The following STMN3 variants were observed in gnomAD, a reference collection of about 807,000 sequenced individuals.
STMN3 encodes stathmin 3, also known as stathmin-3.
A neutral mutation model predicts 23.2 loss-of-function variants in STMN3; 24 were observed. The observed-to-expected ratio is 1.03, with a 90% confidence interval of 0.75 to 1.45. The LOEUF is 1.45. Ranked by LOEUF, STMN3 falls within the 40% of genes most tolerant of loss-of-function variation. The pLI, the probability that STMN3 is intolerant of heterozygous loss-of-function variation, is 0.00. For missense variants in STMN3, 235 were observed against 237.6 expected (o/e 0.99, Z 0.07); for synonymous variants, 117 against 103.4 (o/e 1.13, Z -0.80).
At chr20:63,651,329 G>A (rs145616792) in intron 1 of STMN3, among the ~76,000 whole-genome samples, 109 of 152,290 alleles carry the variant, frequency 7.2e-4, no homozygotes, top group East Asian at 3.1e-3. Context: ...ACAGAGTGCC[G>A]GGTGAGAGCC....
intron 1 of STMN3, among the ~76,000 whole-genome samples, chr20:63,647,849 AAT>A (rs1186038864): frequency 7.8e-6 from 1 of 127,390 alleles, no homozygotes; most frequent in Non-Finnish European, 1.7e-5. Context: ...TGTATATATT[AAT>A]ATATATACGT....
Position 63,641,079 on chromosome 20 carries a change from C to A in STMN3, c.*259G>T. ...CACCGCCACCTCTCTCACAGGGCCC[C>A]CGGGGGACCCAGCCGCGCCCGGCCT... On this transcript the variant is annotated 3_prime_UTR_variant, in exon 5 of 5. Coordinates refer to ENST00000370053, the MANE Select transcript of STMN3 (RefSeq NM_015894.4). The A allele has an allele frequency of 1.1e-5, 6 of 564,564 alleles. No individual in the cohort carries two copies. Among genetic ancestry groups the A allele is most frequent in the Non-Finnish European group, 1.9e-5 (6 of 310,958 alleles). The allele number at this position is 564,564 out of a possible 1,614,324, so 35.0% of individuals were successfully genotyped here. A position where few individuals can be genotyped will look rare whatever the true frequency, so the allele number is the denominator to read the frequency against.
At chr20:63,642,936 C>A (rs1249494038) in intron 3 of STMN3, among the ~76,000 whole-genome samples, 1 of 152,172 alleles carries the variant, frequency 6.6e-6, no homozygotes, top group African/African-American at 2.4e-5. Context: ...AATGCGTTGG[C>A]CTCCAGGGTG....
intron 1 of STMN3, among the ~76,000 whole-genome samples, chr20:63,648,295 G>C (rs1601061625): frequency 6.6e-6 from 1 of 151,924 alleles, no homozygotes; most frequent in African/African-American, 2.4e-5. Flanking sequence ...GAGGGAGTTT[G>C]GGCTGGGGCA....
At chr20:63,641,487 C>T in intron 4 of STMN3, 90 bp from the exon 5 acceptor site, 2 of 1,104,446 alleles carry the variant, frequency 1.8e-6, no homozygotes, top group Middle Eastern at 2.9e-4. Flanking sequence ...GGCGCCCTGG[C>T]ACCCGCCCGG....
chr20:63,647,948 G>GTGTGTGTATATA (rs1320052757), intron 1 of STMN3, among the ~76,000 whole-genome samples: 14 of 63,830 alleles, frequency 2.2e-4, no homozygotes, highest in South Asian at 4.2e-4. Context: ...GTGTGTGTGT[G>GTGTGTGTATATA]TATATATATA....
intron 1 of STMN3, among the ~76,000 whole-genome samples, chr20:63,648,669 G>A (rs1415476168): frequency 6.6e-6 from 1 of 152,184 alleles, no homozygotes; most frequent in African/African-American, 2.4e-5. Context: ...CTGGAAGGCG[G>A]AAGTTGTAGT....
intron 1 of STMN3, 124 bp from the exon 2 acceptor site, chr20:63,644,433 C>G (rs2089793501): frequency 1.4e-6 from 1 of 701,306 alleles, no homozygotes; most frequent in Non-Finnish European, 2.4e-6. Flanking sequence ...AGCACGCTCT[C>G]TTGTGTGTCT....
chr20:63,649,437 C>T (rs1428206391), intron 1 of STMN3, among the ~76,000 whole-genome samples: 2 of 152,094 alleles, frequency 1.3e-5, no homozygotes, highest in African/African-American at 2.4e-5. Flanking sequence ...GAGAGGATGC[C>T]GAGGCCCAGA....
Position 63,640,070 on chromosome 20 carries a change from G to A in STMN3, c.*1268C>T, listed in dbSNP as rs1169288079. The stretch of plus-strand genomic sequence containing the variant: ...AGTGCCCGGCCAAGGCCTCCCGCAG[G>A]ATGGAAGTTGAGGGCCCTGGCTCTG... On this transcript the variant is annotated 3_prime_UTR_variant, in exon 5 of 5. Transcript: ENST00000370053. The A allele has an allele frequency of 6.5e-6, 1 of 153,016 alleles. No individual in the cohort carries two copies. The highest frequency in any genetic ancestry group is 1.9e-4 in the East Asian group (1 of 5,320). The allele number at this position is 153,016 out of a possible 1,614,324, so 9.5% of individuals were successfully genotyped here. A position where few individuals can be genotyped will look rare whatever the true frequency, so the allele number is the denominator to read the frequency against.
chr20:63,641,441 G>A, intron 4 of STMN3, 44 bp from the exon 5 acceptor site: 1 of 1,511,826 alleles, frequency 6.6e-7, no homozygotes, highest in Non-Finnish European at 9.0e-7. Flanking sequence ...GGGGTGGCTT[G>A]GGGCGACTCC....
In STMN3 at chr20:63,647,765, C is replaced by CGT. The variant is rs766223228; in HGVS notation, c.20-3457_20-3456insAC. Reference sequence around the variant, plus strand: ...CACGTGTATATATATAATATATATACATATATACACGTGTATATATATAAT... The same window carrying CGT: ...CACGTGTATATATATAATATATATACGTATATATACACGTGTATATATATAAT... On this transcript the variant is annotated intron_variant, in intron 1 of 4. Transcript: ENST00000370053. Among the ~76,000 whole-genome samples, 32 of 112,920 alleles carry CGT rather than the reference C, an allele frequency of 2.8e-4. 1 individual carries two copies. The highest frequency in any genetic ancestry group is 8.2e-4 in the African/African-American group (25 of 30,316). The allele number at this position is 112,920 out of a possible 152,430, so 74.1% of individuals were successfully genotyped here.
Position 63,643,833 on chromosome 20 carries a change from A to G in STMN3, c.214T>C (p.Ser72Pro). ...GTGTCCTTCTTCTTGGGTGGGGAGGAGAGCATAGGGCTCTCTGGGGACAGG... is the reference window on the plus strand; with the variant it reads ...GTGTCCTTCTTCTTGGGTGGGGAGGGGAGCATAGGGCTCTCTGGGGACAGG... ...SDLSPESPML[S>P]SPPKKKDTSL... is the part of the protein sequence containing the mutation. The change falls in exon 3 of 5, where the codon TCC (serine) becomes CCC (proline). Residue 72 changes from serine (S) to proline (P), a missense_variant. By Grantham distance (74) the Ser-to-Pro change is moderately conservative. Coordinates refer to ENST00000370053, the MANE Select transcript of STMN3 (RefSeq NM_015894.4). 6.4e-7 allele frequency: 1 copy of G among 1,562,444 alleles called. No individual in the cohort carries two copies. The highest frequency in any genetic ancestry group is 8.6e-7 in the Non-Finnish European group (1 of 1,164,456).
chr20:63,643,828 G>A lies in STMN3; in HGVS notation c.219C>T (p.Ser73=). The change falls in exon 3 of 5, where the codon TCC becomes TCT. Residue 73 remains serine, a synonymous_variant. Transcript: ENST00000370053. ...GGGAGGTGTCCTTCTTCTTGGGTGG[G>A]GAGGAGAGCATAGGGCTCTCTGGGG... The part of the protein sequence containing the change: ...DLSPESPMLS[S]PPKKKDTSLE... 1 of 1,564,436 alleles carries A rather than the reference G, an allele frequency of 6.4e-7. No individual in the cohort carries two copies. Among genetic ancestry groups the A allele is most frequent in the Non-Finnish European group, 8.6e-7 (1 of 1,165,238 alleles).
chr20:63,644,128 G>A, intron 2 of STMN3, 86 bp downstream of exon 2: 3 of 1,394,964 alleles, frequency 2.2e-6, no homozygotes, highest in Non-Finnish European at 3.0e-6. Context: ...GCCAGGACGG[G>A]AGTTCAGAGA....
At position 63,647,761 on chromosome 20, in the gene STMN3, T is replaced by C. The variant is rs917371678; in HGVS notation, c.20-3452A>G. 3.9e-5 allele frequency among the ~76,000 whole-genome samples: 5 copies of C among 126,914 alleles called. 1 individual carries two copies. Among genetic ancestry groups the C allele is most frequent in the Non-Finnish European group, 8.4e-5 (5 of 59,836 alleles). 83.3% of individuals were successfully genotyped at this position (126,914 alleles called of 152,430 possible). A position where few individuals can be genotyped will look rare whatever the true frequency, so the allele number is the denominator to read the frequency against. ...TATACACGTGTATATATATAATATA[T>C]ATACATATATACACGTGTATATATA... is the stretch of plus-strand genomic sequence containing the variant. On this transcript the variant is annotated intron_variant, in intron 1 of 4. Coordinates refer to ENST00000370053, the MANE Select transcript of STMN3 (RefSeq NM_015894.4).
At chr20:63,645,768 C>G (rs2146116965) in intron 1 of STMN3, among the ~76,000 whole-genome samples, 1 of 152,278 alleles carries the variant, frequency 6.6e-6, no homozygotes, top group East Asian at 1.9e-4. Context: ...GCCTGACCAA[C>G]ATGGTGAAAC....
chr20:63,640,334 GC>G lies in STMN3; in HGVS notation c.*1003del, dbSNP rs2089749590. The G allele has an allele frequency of 6.6e-6, 1 of 152,492 alleles. No homozygotes were observed. The highest frequency in any genetic ancestry group is 6.6e-5 in the Admixed American group (1 of 15,248). 9.4% of individuals were successfully genotyped at this position (152,492 alleles called of 1,614,324 possible). ...GCCTGGAGTCAGGCCTCCACCCACA[GC>G]CCCCTCTGGGTGCCAAGTGGGAAGG... On this transcript the variant is annotated 3_prime_UTR_variant, in exon 5 of 5. Coordinates refer to ENST00000370053, the MANE Select transcript of STMN3 (RefSeq NM_015894.4).
Position 63,641,326 on chromosome 20 carries a change from C to G in STMN3, c.*12G>C, listed in dbSNP as rs748281787. The stretch of plus-strand genomic sequence containing the variant: ...GTTCTGTCGCAGGATGGGCGCCGCC[C>G]GTCCCGGGCCCTTAGCCCGACATCT... On this transcript the variant is annotated 3_prime_UTR_variant, in exon 5 of 5. Coordinates refer to ENST00000370053, the MANE Select transcript of STMN3 (RefSeq NM_015894.4). 7 of 1,560,834 alleles carry G rather than the reference C, an allele frequency of 4.5e-6. No individual in the cohort carries two copies. Among genetic ancestry groups the G allele is most frequent in the Non-Finnish European group, 6.1e-6 (7 of 1,153,272 alleles).
Sources: allele counts gnomAD v4.1 joint callset (sites outside exome capture counted in the v4.1 genomes callset), GRCh38; gene constraint gnomAD v4.1.1; transcripts MANE v1.5; gene names NCBI Gene and HGNC (gene_info 2026-07-23, HGNC 2026-07-21).